Variants in CDHR2 observed in about 807,000 individuals in gnomAD.
The protein encoded by CDHR2 is cadherin related family member 2, also known as cadherin-related family member 2.
A neutral mutation model predicts 138.6 loss-of-function variants in CDHR2; 104 were observed. The observed-to-expected ratio is 0.75, with a 90% CI of 0.64 to 0.88. The LOEUF (loss-of-function observed/expected upper bound fraction) is 0.88. CDHR2 is among the 40% of genes least tolerant of loss of function. CDHR2 has a pLI of 0.00. For missense variants in CDHR2, 1,624 were observed against 1,727.6 expected, an observed-to-expected ratio of 0.94 and a Z score of 1.06; for synonymous variants, 755 against 742.8, an observed-to-expected ratio of 1.02 and a Z score of -0.27.
chr5:176,544,970 G>A (rs180689568), upstream of CDHR2, among the ~76,000 whole-genome samples: 1 of 152,292 alleles, frequency 6.6e-6, no homozygotes, highest in East Asian at 1.9e-4. Context: ...AGGTATTACA[G>A]GTAAAGAAAT....
In CDHR2 at chr5:176,589,256, A is replaced by G; in HGVS notation, c.3008+74A>G. Reference sequence around the variant, plus strand: ...GGAGCTTTCAGGCAGCAAGTCCCCCATCCTGGAGGTTACAAGGGTCCTGAG... The same window carrying G: ...GGAGCTTTCAGGCAGCAAGTCCCCCGTCCTGGAGGTTACAAGGGTCCTGAG... On this transcript the variant is annotated intron_variant, in intron 22 of 31. Transcript: ENST00000261944. 2.5e-6 allele frequency: 4 copies of G among 1,597,006 alleles called. No individual in the cohort carries two copies. The South Asian group carries it at 3.4e-5, about 14-fold the overall frequency.
chr5:176,591,533 T>A, intron 30 of CDHR2, 49 bp downstream of exon 30: 1 of 1,395,738 alleles, frequency 7.2e-7, no homozygotes, highest in Non-Finnish European at 1.0e-6. Context: ...GTGGTACAGG[T>A]AGTGACGGTG....
Position 176,561,832 on chromosome 5 carries a change from G to C in CDHR2, c.-15-3506G>C, listed in dbSNP as rs185444318. Reference sequence around the variant, plus strand: ...TTTTTGTATTTTTAGTAGAGATGGGGTTTCACCATGTTGGCCAGGCTGCTC... The same window carrying C: ...TTTTTGTATTTTTAGTAGAGATGGGCTTTCACCATGTTGGCCAGGCTGCTC... On this transcript the variant is annotated intron_variant, in intron 1 of 31. Transcript: ENST00000261944. 3.2e-3 allele frequency among the ~76,000 whole-genome samples: 494 copies of C among 152,162 alleles called. 11 individuals are homozygous for C. The highest frequency in any genetic ancestry group is 0.03 in the Admixed American group (458 of 15,268).
At chr5:176,570,308 C>T (rs77400258) in intron 5 of CDHR2, among the ~76,000 whole-genome samples, 2,226 of 152,290 alleles carry the variant, frequency 0.015, 51 homozygotes, top group African/African-American at 0.051. Flanking sequence ...ACAAAGCGAA[C>T]GTGCACATTC....
chr5:176,587,378 G>A (rs1758694292), intron 21 of CDHR2, among the ~76,000 whole-genome samples: 1 of 152,192 alleles, frequency 6.6e-6, no homozygotes, highest in East Asian at 1.9e-4. Flanking sequence ...AACTCGAGAG[G>A]CGGAGGTTGC....
Position 176,589,194 on chromosome 5 carries a change from C to T in CDHR2, c.3008+12C>T, listed in dbSNP as rs765553351. On this transcript the variant is annotated intron_variant, in intron 22 of 31. Coordinates refer to ENST00000261944, the MANE Select transcript of CDHR2 (RefSeq NM_017675.6). ...GCTGGGAGCATTCAGTAACTGCGGGCGGCCCCGGGAGGGAGGTTGCGGGGA... is the reference window on the plus strand; with the variant it reads ...GCTGGGAGCATTCAGTAACTGCGGGTGGCCCCGGGAGGGAGGTTGCGGGGA... 8.1e-6 allele frequency: 13 copies of T among 1,613,608 alleles called. No individual in the cohort carries two copies. The highest frequency in any genetic ancestry group is 4.5e-5 in the East Asian group (2 of 44,894).
chr5:176,581,350 A>G lies in CDHR2; in HGVS notation c.1826A>G (p.Asp609Gly), dbSNP rs746653467. The G allele has an allele frequency of 5.0e-6, 8 of 1,613,404 alleles. No individual in the cohort carries two copies. The highest frequency in any genetic ancestry group is 2.7e-5 in the African/African-American group (2 of 75,044). ...CCCTGCTTACGTGCACAGGCCCACG[A>G]CAATGATGAGCCGGGCACCAACAAC... Reference protein sequence around the residue: ...GNVSVTIQAHDNDEPGTNNSR... With the variant: ...GNVSVTIQAHGNDEPGTNNSR... Residue 609 changes from aspartate to glycine, a missense_variant, in exon 17 of 32, where the codon GAC becomes GGC. By Grantham distance (94) the Asp-to-Gly change is moderately conservative. Around this residue, in one of 3 missense-constraint regions of CDHR2, gnomAD observed 1,061 missense variants for 1,136.6 expected, o/e 0.93. Transcript: ENST00000261944.
At chr5:176,572,417 T>TA (rs1250663899) in intron 6 of CDHR2, among the ~76,000 whole-genome samples, 1 of 113,130 alleles carries the variant, frequency 8.8e-6, no homozygotes, top group East Asian at 3.9e-4. Context: ...AAATAAATAA[T>TA]AAAAAAATTA....
intron 1 of CDHR2, among the ~76,000 whole-genome samples, chr5:176,563,762 C>T (rs1257996869): frequency 6.6e-6 from 1 of 152,176 alleles, no homozygotes; most frequent in Non-Finnish European, 1.5e-5. Flanking sequence ...TCTGGGGTCT[C>T]CTGGGCCACA....
Position 176,575,741 on chromosome 5 carries a change from TGGTTTGA to T in CDHR2, c.863_869del (p.Trp288SerfsTer7). 3.2e-6 allele frequency: 5 copies of T among 1,573,454 alleles called. No homozygotes were observed. The highest frequency in any genetic ancestry group is 4.3e-6 in the Non-Finnish European group (5 of 1,158,732). Reference sequence around the variant, plus strand: ...CTTGCCAGACTCCACGCGGCCCGGCTGGTTTGACATCGGGGCAGATGGGGTGATCAGG... The same window carrying T: ...CTTGCCAGACTCCACGCGGCCCGGCTCATCGGGGCAGATGGGGTGATCAGG... On this transcript the variant is annotated frameshift_variant, in exon 11 of 32. Coordinates refer to ENST00000261944, the MANE Select transcript of CDHR2 (RefSeq NM_017675.6). LOFTEE classifies it high-confidence loss of function.
chr5:176,588,602 T>C (rs2113325838), intron 21 of CDHR2, among the ~76,000 whole-genome samples: 1 of 150,148 alleles, frequency 6.7e-6, no homozygotes, highest in African/African-American at 2.5e-5. Flanking sequence ...TATGAGTGTG[T>C]GTGCATATGT....
At position 176,589,361 on chromosome 5, in the gene CDHR2, G is replaced by C. The variant is rs766703361; in HGVS notation, c.3040G>C (p.Gly1014Arg). ...PVTSLDSTLQ[G>R]TYQVTVQARD... The stretch of plus-strand genomic sequence containing the variant: ...GACCAGCCTCGACTCCACTCTCCAA[G>C]GCACCTACCAAGTGACAGTCCAGGC... Residue 1014 changes from glycine to arginine, a missense_variant, in exon 23 of 32, where the codon GGC becomes CGC. Physicochemically the swap from Gly to Arg is moderately radical, Grantham distance 125. Around this residue, in one of 3 missense-constraint regions of CDHR2, gnomAD observed 556 missense variants for 565.7 expected, o/e 0.98. Coordinates refer to ENST00000261944, the MANE Select transcript of CDHR2 (RefSeq NM_017675.6). 1 of 1,558,776 alleles carries C rather than the reference G, an allele frequency of 6.4e-7. No homozygotes were observed.
At chr5:176,556,909 ACTGCTTTCAC>A (rs2113261233) in intron 1 of CDHR2, 1 of 152,118 alleles carries the variant, frequency 6.6e-6, no homozygotes, top group East Asian at 1.9e-4. Context: ...TCTAGAAGCA[ACTGCTTTCAC>A]CTCCTTTGGC....
At chr5:176,590,800 A>G (rs1209402107) in intron 28 of CDHR2, 113 bp downstream of exon 28, 27 of 1,392,718 alleles carry the variant, frequency 1.9e-5, no homozygotes, top group Admixed American at 5.4e-5. Context: ...ACATGCATTC[A>G]CTCCCCAGTG....
intron 21 of CDHR2, among the ~76,000 whole-genome samples, 156 bp downstream of exon 21, chr5:176,586,998 A>G (rs1758687283): frequency 6.6e-6 from 1 of 152,260 alleles, no homozygotes; most frequent in Non-Finnish European, 1.5e-5. Context: ...TAATCAATGT[A>G]ATCAAACTTC....
At position 176,575,548 on chromosome 5, in the gene CDHR2, G is replaced by A; in HGVS notation, c.811G>A (p.Gly271Ser). Reference sequence around the variant, plus strand: ...GGTGGAGGCTGTGGATGGCGACAAAGGCATCAATGACCCTGTGATCTACAG... The same window carrying A: ...GGTGGAGGCTGTGGATGGCGACAAAAGCATCAATGACCCTGTGATCTACAG... ...LTVEAVDGDK[G>S]INDPVIYSIS... The change falls in exon 10 of 32, where the codon GGC (glycine) becomes AGC (serine). Residue 271 changes from glycine (G) to serine (S), a missense_variant. This residue lies in a region of CDHR2 where 1,061 missense variants were observed against 1,136.6 expected (regional missense o/e 0.93). Transcript: ENST00000261944. The A allele has an allele frequency of 1.9e-6, 3 of 1,614,178 alleles. No homozygotes were observed. Among genetic ancestry groups the A allele is most frequent in the Non-Finnish European group, 2.5e-6 (3 of 1,180,028 alleles).
Position 176,590,649 on chromosome 5 carries a change from T to G in CDHR2, c.3501T>G (p.Leu1167=). The G allele has an allele frequency of 6.2e-7, 1 of 1,613,812 alleles. No individual in the cohort carries two copies. The highest frequency in any genetic ancestry group is 8.5e-7 in the Non-Finnish European group (1 of 1,180,000). The change falls in exon 28 of 32, where the codon CTT becomes CTG. Residue 1167 remains leucine, a synonymous_variant. Coordinates refer to ENST00000261944, the MANE Select transcript of CDHR2 (RefSeq NM_017675.6). ...IGLGVALLLV[L]VIMTMAFVCV... ...TGGGAGTGGCTTTGCTGCTGGTCCTTGTGATCATGACCATGGCCTTCGTGT... is the reference window on the plus strand; with the variant it reads ...TGGGAGTGGCTTTGCTGCTGGTCCTGGTGATCATGACCATGGCCTTCGTGT...
Position 176,575,554 on chromosome 5 carries a change from A to G in CDHR2, c.817A>G (p.Asn273Asp), listed in dbSNP as rs779836636. The G allele has an allele frequency of 6.2e-7, 1 of 1,614,116 alleles. No individual in the cohort carries two copies. Among genetic ancestry groups the G allele is most frequent in the East Asian group, 2.2e-5 (1 of 44,858 alleles). The part of the protein sequence containing the change: ...VEAVDGDKGI[N>D]DPVIYSISYS... ...GGCTGTGGATGGCGACAAAGGCATC[A>G]ATGACCCTGTGATCTACAGCATCTC... is the stretch of plus-strand genomic sequence containing the variant. Residue 273 changes from asparagine to aspartate, a missense_variant, in exon 10 of 32, where the codon AAT (asparagine) becomes GAT (aspartate). By Grantham distance (23) the Asn-to-Asp change is conservative (BLOSUM62 1). This residue lies in a region of CDHR2 where 1,061 missense variants were observed against 1,136.6 expected (regional missense o/e 0.93). Coordinates refer to ENST00000261944, the MANE Select transcript of CDHR2 (RefSeq NM_017675.6).
chr5:176,574,985 G>C (rs2113296702), intron 7 of CDHR2, 99 bp from the exon 8 acceptor site: 4 of 1,453,792 alleles, frequency 2.8e-6, no homozygotes, highest in Non-Finnish European at 3.8e-6. Flanking sequence ...GGCGTGACTG[G>C]TCAGTGGCAG....
Sources: gnomAD v4.1 joint callset for allele counts (sites outside exome capture counted in the v4.1 genomes callset) on GRCh38, gnomAD v4.1.1 for gene constraint, gnomAD v4.1.1 regional missense constraint, MANE v1.5 for transcripts, NCBI Gene and HGNC (gene_info 2026-07-23, HGNC 2026-07-21) for gene names.